The following CDKAL1 variants were observed in gnomAD, a reference collection of about 807,000 sequenced individuals.
CDKAL1 encodes the protein CDKAL1 threonylcarbamoyladenosine tRNA methylthiotransferase, also known as threonylcarbamoyladenosine tRNA methylthiotransferase.
A neutral mutation model predicts 68.2 loss-of-function variants in CDKAL1; 32 were observed. The ratio of observed to expected loss-of-function variants is 0.47; its 90% confidence interval spans 0.35 to 0.63. The LOEUF is 0.63. Ranked by LOEUF, CDKAL1 falls within the 30% of genes least tolerant of loss-of-function variation. CDKAL1 has a pLI of 0.00. For missense variants in CDKAL1, 606 were observed against 696.7 expected, an observed-to-expected ratio of 0.87 and a Z score of 1.47; for synonymous variants, 234 against 244.3, an observed-to-expected ratio of 0.96 and a Z score of 0.39.
chr6:20,693,129 CAAAAAAAA>C (rs70990059), intron 5 of CDKAL1, among the ~76,000 whole-genome samples: 7 of 67,610 alleles, frequency 1.0e-4, no homozygotes, highest in Middle Eastern at 6.5e-3. Flanking sequence ...GACTCTGTCT[CAAAAAAAA>C]AAAAAAAAAA....
chr6:21,177,454 G>T (rs13219637), intron 13 of CDKAL1, among the ~76,000 whole-genome samples: 1 of 152,098 alleles, frequency 6.6e-6, no homozygotes, highest in Non-Finnish European at 1.5e-5. Flanking sequence ...ATTTTTCAGA[G>T]ATTTGATTTA....
chr6:20,945,332 A>T (rs1764184127), intron 9 of CDKAL1, among the ~76,000 whole-genome samples: 2 of 152,184 alleles, frequency 1.3e-5, no homozygotes, highest in African/African-American at 4.8e-5. Flanking sequence ...GCTACATATG[A>T]TGCAAATTTT....
chr6:20,906,516 A>G (rs1762237824), intron 9 of CDKAL1, among the ~76,000 whole-genome samples: 1 of 152,194 alleles, frequency 6.6e-6, no homozygotes, highest in Non-Finnish European at 1.5e-5. Context: ...GAAAATATCT[A>G]CGCTGAAAAT....
At position 20,700,365 on chromosome 6, in the gene CDKAL1, A is replaced by AT. The variant is rs1000101490; in HGVS notation, c.372-39154_372-39153insT. On this transcript the variant is annotated intron_variant, in intron 5 of 15. Transcript: ENST00000274695. ...AGTGAAACTCCATCTCAAAAAAAAA[A>AT]AAAAAAATAAATAAAAGTTAAACTG... Among the ~76,000 whole-genome samples, 13 of 151,818 alleles carry AT rather than the reference A, an allele frequency of 8.6e-5. No homozygotes were observed. In the East Asian group the frequency reaches 2.3e-3, roughly 27 times the overall value.
chr6:20,852,570 G>A (rs1030232464), intron 9 of CDKAL1, among the ~76,000 whole-genome samples: 1 of 152,152 alleles, frequency 6.6e-6, no homozygotes, highest in Non-Finnish European at 1.5e-5. Context: ...TAACTGGATC[G>A]TGAACACAGT....
Position 20,778,740 on chromosome 6 carries a change from C to T in CDKAL1, c.518-2405C>T, listed in dbSNP as rs1034681727. Among the ~76,000 whole-genome samples the T allele has an allele frequency of 5.9e-5, 9 of 152,216 alleles. No homozygotes were observed. The East Asian group carries it at 1.4e-3, about 23-fold the overall frequency. On this transcript the variant is annotated intron_variant, in intron 7 of 15. Transcript: ENST00000274695. ...AATATTTCAGTGTGAATCTGAAAGC[C>T]GAAATGGACCTATGTTCTGGCTCGT...
chr6:21,223,652 G>T (rs1222798048), intron 15 of CDKAL1, among the ~76,000 whole-genome samples: 1 of 152,154 alleles, frequency 6.6e-6, no homozygotes. Context: ...TTGTAACTAG[G>T]TGAAGAAATG....
intron 2 of CDKAL1, among the ~76,000 whole-genome samples, chr6:20,541,670 T>C (rs1174348911): frequency 6.6e-6 from 1 of 152,110 alleles, no homozygotes; most frequent in Non-Finnish European, 1.5e-5. Flanking sequence ...ACAGTCTTTT[T>C]TTTTTTTGAG....
Position 21,129,682 on chromosome 6 carries a change from CAAAAAA to C in CDKAL1, c.1299+21237_1299+21242del, listed in dbSNP as rs34802727. Among the ~76,000 whole-genome samples, 466 of 69,010 alleles carry C rather than the reference CAAAAAA, an allele frequency of 6.8e-3. 11 individuals carry two copies. The East Asian group carries it at 0.11, about 17-fold the overall frequency. The allele number at this position is 69,010 out of a possible 152,430, so 45.3% of individuals were successfully genotyped here. On this transcript the variant is annotated intron_variant, in intron 13 of 15. Transcript: ENST00000274695. ...ACTATACATTCTGACTGCAGTTTAC[CAAAAAA>C]AAAAAAAAAAAAAAAAAGGAAAAAA... is the stretch of plus-strand genomic sequence containing the variant.
chr6:20,824,011 T>A (rs1777397637), intron 8 of CDKAL1, among the ~76,000 whole-genome samples: 1 of 152,084 alleles, frequency 6.6e-6, no homozygotes, highest in Non-Finnish European at 1.5e-5. Context: ...AAGGTTAAGG[T>A]ATTTTTATGG....
chr6:20,879,240 A>G (rs1581751097), intron 9 of CDKAL1, among the ~76,000 whole-genome samples: 2 of 152,198 alleles, frequency 1.3e-5, no homozygotes, highest in South Asian at 4.1e-4. Flanking sequence ...AGTACCAGTG[A>G]CAAAGTCAGG....
intron 13 of CDKAL1, among the ~76,000 whole-genome samples, chr6:21,127,747 C>A (rs1435349249): frequency 6.6e-6 from 1 of 151,966 alleles, no homozygotes; most frequent in Non-Finnish European, 1.5e-5. Flanking sequence ...GAGACTCTAT[C>A]TCAGGAATAA....
At chr6:20,653,239 T>C (rs534305057) in intron 5 of CDKAL1, among the ~76,000 whole-genome samples, 1 of 152,272 alleles carries the variant, frequency 6.6e-6, no homozygotes, top group East Asian at 1.9e-4. Context: ...AACCTGGGAG[T>C]TGAGTTACTG....
intron 9 of CDKAL1, among the ~76,000 whole-genome samples, chr6:20,874,440 A>G (rs775250640): frequency 6.6e-6 from 1 of 151,796 alleles, no homozygotes; most frequent in Non-Finnish European, 1.5e-5. Flanking sequence ...AGTAGGTGTG[A>G]TTACAGGTGC....
intron 5 of CDKAL1, among the ~76,000 whole-genome samples, chr6:20,678,898 A>ATGTTTT (rs1168807388): frequency 6.6e-6 from 1 of 151,688 alleles, no homozygotes; most frequent in East Asian, 1.9e-4. Flanking sequence ...TTCATTGCCT[A>ATGTTTT]TGTTTTTGTT....
At chr6:20,852,277 T>C (rs13208940) in intron 9 of CDKAL1, among the ~76,000 whole-genome samples, 1,873 of 152,288 alleles carry the variant, frequency 0.012, 17 homozygotes, top group Middle Eastern at 0.054. Context: ...GTGATTTATA[T>C]AATCTGATAG....
chr6:20,536,744 C>T (rs1047670333), intron 2 of CDKAL1, among the ~76,000 whole-genome samples: 4 of 152,072 alleles, frequency 2.6e-5, no homozygotes, highest in African/African-American at 9.7e-5. Flanking sequence ...TAATCCCATA[C>T]TTTAGGGGCC....
chr6:20,639,827 C>T (rs1451247303), intron 4 of CDKAL1, among the ~76,000 whole-genome samples: 2 of 152,158 alleles, frequency 1.3e-5, no homozygotes, highest in Admixed American at 1.3e-4. Flanking sequence ...TGTGCCACCA[C>T]GCCCAACTAA....
intron 5 of CDKAL1, among the ~76,000 whole-genome samples, chr6:20,724,781 G>C (rs1001844505): frequency 6.6e-6 from 1 of 152,186 alleles, no homozygotes; most frequent in Admixed American, 6.5e-5. Flanking sequence ...AGCTCTCATA[G>C]CATTCAGGTA....
Sources: gnomAD v4.1 joint callset for allele counts (sites outside exome capture counted in the v4.1 genomes callset) on GRCh38, gnomAD v4.1.1 for gene constraint, MANE v1.5 for transcripts, NCBI Gene and HGNC (gene_info 2026-07-23, HGNC 2026-07-21) for gene names.